The following CD163L1 variants were observed in gnomAD, a reference collection of about 807,000 sequenced individuals.
The protein encoded by CD163L1 is CD163 molecule like 1, also known as scavenger receptor cysteine-rich type 1 protein M160.
In CD163L1, 124 loss-of-function variants were observed where a neutral mutation model predicts 165.4. The ratio of observed to expected loss-of-function variants is 0.75; its 90% CI spans 0.65 to 0.87. The LOEUF is 0.87. CD163L1 is among the 40% of genes least tolerant of loss of function. CD163L1 has a pLI of 0.00. For missense variants in CD163L1, 1,525 were observed against 1,799.9 expected (o/e 0.85, Z 2.76); for synonymous variants, 585 against 662.2 (o/e 0.88, Z 1.79).
intron 5 of CD163L1, among the ~76,000 whole-genome samples, chr12:7,405,885 C>T (rs909517736): frequency 3.3e-5 from 5 of 152,118 alleles, no homozygotes; most frequent in African/African-American, 7.2e-5. Context: ...TTCATTACAT[C>T]TTTGAACATA....
chr12:7,334,927 T>G, the CD163L1 span, among the ~76,000 whole-genome samples: 4 of 151,964 alleles, frequency 2.6e-5, no homozygotes. Flanking sequence ...AGGAATCCAA[T>G]TTACAAGGGA....
chr12:7,328,526 G>A, the CD163L1 span: 1 of 477,010 alleles, frequency 2.1e-6, no homozygotes, highest in Non-Finnish European at 3.5e-6. Context: ...TAGCTAAAAA[G>A]TTTAAAAGTA....
intron 2 of CD163L1, chr12:7,439,535 T>C (rs1461867514): frequency 5.1e-5 from 80 of 1,576,528 alleles, no homozygotes; most frequent in Non-Finnish European, 6.4e-5. Context: ...TTCTTTTTCT[T>C]CTTTGGGGAA....
Position 7,374,427 on chromosome 12 carries a change from G to A in CD163L1, c.3409+15C>T, listed in dbSNP as rs899613119. ...ACGTGTGTGTAGAGGAGGGTGAAAA[G>A]GTAGCAGCACAGACCTGAGCAGATG... On this transcript the variant is annotated intron_variant, in intron 13 of 19. Coordinates refer to ENST00000313599, the MANE Select transcript of CD163L1 (RefSeq NM_174941.6). The surrounding 1 kb of genome is among the most constrained non-coding windows in gnomAD (Gnocchi z 5.4). The A allele has an allele frequency of 6.3e-7, 1 of 1,594,018 alleles. No individual in the cohort carries two copies. Among genetic ancestry groups the A allele is most frequent in the African/African-American group, 1.3e-5 (1 of 74,652 alleles).
chr12:7,363,800 A>AC (rs1343465420), intron 18 of CD163L1, among the ~76,000 whole-genome samples: 3 of 150,772 alleles, frequency 2.0e-5, no homozygotes, highest in South Asian at 2.1e-4. Flanking sequence ...GAAAAAAAAA[A>AC]ACCTCTCACT....
At chr12:7,376,475 T>C (rs1052853292) in intron 9 of CD163L1, among the ~76,000 whole-genome samples, 7 of 152,228 alleles carry the variant, frequency 4.6e-5, no homozygotes, top group African/African-American at 1.7e-4. Flanking sequence ...AAGCTACTTA[T>C]ATTAGTAATG....
chr12:7,441,259 A>G lies in CD163L1; in HGVS notation c.32-13T>C. 6.3e-7 allele frequency: 1 copy of G among 1,594,244 alleles called. No individual in the cohort carries two copies. Among genetic ancestry groups the G allele is most frequent in the Non-Finnish European group, 8.6e-7 (1 of 1,162,152 alleles). On this transcript the variant is annotated splice_polypyrimidine_tract_variant and intron_variant, in intron 1 of 19. Transcript: ENST00000313599. ...CATCTTCCAAAATCTGGAGAAACAA[A>G]ATATAGCAGGGTAGAATTTCATGTC...
At position 7,347,508 on chromosome 12, in the gene CD163L1, G is replaced by A. The variant is rs920463067; in HGVS notation, c.*25-361C>T. ...AAAAGGAATGGTCTCGGCCGGGCGCGGTGGCTCACGCTTGTAATCCCAGCA... is the reference window on the plus strand; with the variant it reads ...AAAAGGAATGGTCTCGGCCGGGCGCAGTGGCTCACGCTTGTAATCCCAGCA... On this transcript the variant is annotated intron_variant, in intron 4 of 4. Coordinates refer to the CD163L1 transcript ENST00000539726. The surrounding 1 kb of genome is among the most constrained non-coding windows in gnomAD (Gnocchi z 4.2). 5.9e-5 allele frequency among the ~76,000 whole-genome samples: 9 copies of A among 152,082 alleles called. No individual in the cohort carries two copies. Among genetic ancestry groups the A allele is most frequent in the Admixed American group, 1.3e-4 (2 of 15,274 alleles).
rs753868916 is a variant in CD163L1 at position 7,393,088 on chromosome 12, C to G, written c.2050+3007G>C. On this transcript the variant is annotated intron_variant, in intron 8 of 19. Coordinates refer to ENST00000313599, the MANE Select transcript of CD163L1 (RefSeq NM_174941.6). ...CTCATTTTATGAGGCCAACATCATC[C>G]TGATACCAAAGCTTGGCAGAGACAA... 3.9e-5 allele frequency among the ~76,000 whole-genome samples: 6 copies of G among 152,236 alleles called. No homozygotes were observed. The South Asian group carries it at 1.2e-3, about 32-fold the overall frequency.
At chr12:7,370,892 C>T (rs1017011058) in intron 14 of CD163L1, among the ~76,000 whole-genome samples, 1 of 152,128 alleles carries the variant, frequency 6.6e-6, no homozygotes, top group Non-Finnish European at 1.5e-5. Context: ...TACTTCTTTG[C>T]TATGGTTTGG....
chr12:7,323,359 C>T, the CD163L1 span: 11 of 1,596,444 alleles, frequency 6.9e-6, no homozygotes, highest in South Asian at 1.1e-5. Flanking sequence ...GGAGAGAGAA[C>T]GTTTTCCTTT....
rs1399635552 is a variant in CD163L1 at position 7,368,132 on chromosome 12, G to GA, written c.4137dup (p.Leu1380SerfsTer31). ...TGTTTCTGAACTCGGCACCACGTGA[G>GA]AAATAGAATAAACAGAACCAGGAGA... On this transcript the variant is annotated frameshift_variant, in exon 17 of 20. Coordinates refer to ENST00000313599, the MANE Select transcript of CD163L1 (RefSeq NM_174941.6). LOFTEE classifies it high-confidence loss of function. The surrounding 1 kb of genome is among the most constrained non-coding windows in gnomAD (Gnocchi z 4.3). 1 of 1,612,672 alleles carries GA rather than the reference G, an allele frequency of 6.2e-7. No homozygotes were observed. The highest frequency in any genetic ancestry group is 1.7e-4 in the Middle Eastern group (1 of 6,054).
At chr12:7,395,154 T>C (rs1285943716) in intron 8 of CD163L1, among the ~76,000 whole-genome samples, 1 of 152,218 alleles carries the variant, frequency 6.6e-6, no homozygotes, top group Non-Finnish European at 1.5e-5. Flanking sequence ...CATATGTTTA[T>C]TGCGGCACTA....
intron 4 of CD163L1, among the ~76,000 whole-genome samples, chr12:7,424,506 G>C (rs750200798): frequency 6.6e-6 from 1 of 152,116 alleles, no homozygotes; most frequent in Non-Finnish European, 1.5e-5. Context: ...GCAAGAGAAA[G>C]AAATAAAGGG....
chr12:7,406,104 A>C (rs1565799664), intron 5 of CD163L1, among the ~76,000 whole-genome samples: 1 of 152,190 alleles, frequency 6.6e-6, no homozygotes, highest in Non-Finnish European at 1.5e-5. Flanking sequence ...AGTTTATTTT[A>C]ATGAAAGGAA....
At chr12:7,364,437 A>G (rs973275421) in intron 18 of CD163L1, among the ~76,000 whole-genome samples, 2 of 152,196 alleles carry the variant, frequency 1.3e-5, no homozygotes, top group Non-Finnish European at 2.9e-5. Context: ...AGTCCCAGCC[A>G]GAGCAATTAG....
intron 4 of CD163L1, among the ~76,000 whole-genome samples, chr12:7,425,581 A>G (rs984233630): frequency 1.3e-5 from 2 of 152,214 alleles, no homozygotes; most frequent in African/African-American, 4.8e-5. Context: ...CAGTCTGTCC[A>G]TCTGACAAAG....
the CD163L1 span, among the ~76,000 whole-genome samples, chr12:7,337,896 C>A: frequency 1.3e-5 from 2 of 152,142 alleles, no homozygotes; most frequent in Non-Finnish European, 2.9e-5. Context: ...TATACAATAG[C>A]AAAGACTTGG....
intron 18 of CD163L1, chr12:7,357,712 CA>C: frequency 3.3e-6 from 1 of 299,200 alleles, no homozygotes; most frequent in East Asian, 5.4e-5. Context: ...AACTTTTTAT[CA>C]GATTATCAGA....
Sources: allele counts gnomAD v4.1 joint callset (sites outside exome capture counted in the v4.1 genomes callset), GRCh38; gene constraint gnomAD v4.1.1; non-coding constraint Gnocchi (gnomAD v3.1); transcripts MANE v1.5; gene names NCBI Gene and HGNC (gene_info 2026-07-23, HGNC 2026-07-21).